Variants in RAPGEF2 observed in about 807,000 individuals in gnomAD.
RAPGEF2 encodes the protein PDZ domain containing guanine nucleotide exchange factor (GEF) 1.
In RAPGEF2, 54 loss-of-function variants were observed where a neutral mutation model predicts 186.7. The observed-to-expected ratio is 0.29, with a 90% CI of 0.23 to 0.36. RAPGEF2 has a LOEUF of 0.36. RAPGEF2 is among the 10% of genes least tolerant of loss of function. The probability of loss-of-function intolerance (pLI) is 1.00; values close to 1 mark genes in which losing one functional copy is unlikely to be tolerated. For missense variants in RAPGEF2, 1,532 were observed against 2,045.0 expected, an observed-to-expected ratio of 0.75 and a Z score of 4.84; for synonymous variants, 712 against 705.9, an observed-to-expected ratio of 1.01 and a Z score of -0.14.
chr4:159,187,320 T>C (rs1361303171), intron 2 of RAPGEF2, among the ~76,000 whole-genome samples: 1 of 151,944 alleles, frequency 6.6e-6, no homozygotes, highest in Non-Finnish European at 1.5e-5. Flanking sequence ...TTTTTCTCTG[T>C]CTCTCCCCAT....
In RAPGEF2 at chr4:159,219,347, C is replaced by CTTT. The variant is rs70962664; in HGVS notation, c.281+8788_281+8790dup. On this transcript the variant is annotated intron_variant, in intron 4 of 29. Transcript: ENST00000691494. The stretch of plus-strand genomic sequence containing the variant: ...CAAGGGATAGTGTCCCAACTGTATC[C>CTTT]TTTTTTTTTTTTTTTTTTTTTTTTT... Among the ~76,000 whole-genome samples, 370 of 81,416 alleles carry CTTT rather than the reference C, an allele frequency of 4.5e-3. 44 individuals carry two copies. The highest frequency in any genetic ancestry group is 0.019 in the African/African-American group (339 of 17,782). 53.4% of individuals were successfully genotyped at this position (81,416 alleles called of 152,430 possible). A position where few individuals can be genotyped will look rare whatever the true frequency, so the allele number is the denominator to read the frequency against.
At chr4:159,247,806 C>T (rs1306738615) in intron 7 of RAPGEF2, among the ~76,000 whole-genome samples, 1 of 126,124 alleles carries the variant, frequency 7.9e-6, no homozygotes, top group African/African-American at 3.1e-5. Flanking sequence ...TCTTGTTGCA[C>T]AGGCTGGAGT....
chr4:159,233,439 A>G lies in RAPGEF2; in HGVS notation c.282-5370A>G, dbSNP rs187172499. ...TTCTCTCATTGAACAGATATGGCAT[A>G]CTTGTCAAAAATCAACTGGTCAATC... On this transcript the variant is annotated intron_variant, in intron 4 of 29. Transcript: ENST00000691494. Among the ~76,000 whole-genome samples, 11 of 152,336 alleles carry G rather than the reference A, an allele frequency of 7.2e-5. No homozygotes were observed. In the East Asian group the frequency reaches 2.1e-3, roughly 29 times the overall value.
Position 159,104,142 on chromosome 4 carries a change from C to A in RAPGEF2, c.-21C>A. The A allele has an allele frequency of 6.6e-7, 1 of 1,507,702 alleles. No homozygotes were observed. The highest frequency in any genetic ancestry group is 8.9e-7 in the Non-Finnish European group (1 of 1,129,108). The allele number at this position is 1,507,702 out of a possible 1,614,324, so 93.4% of individuals were successfully genotyped here. ...GGCCGGCCAGGGTGCGGAGCGGCCC[C>A]GGCCCGCTCCCAGAGGGGAGATGGC... On this transcript the variant is annotated 5_prime_UTR_variant, in exon 1 of 30. Coordinates refer to ENST00000691494, the MANE Select transcript of RAPGEF2 (RefSeq NM_001394067.2).
intron 7 of RAPGEF2, among the ~76,000 whole-genome samples, chr4:159,255,286 T>TTCTTCTCAAAACTCCCC (rs1475658896): frequency 6.6e-6 from 1 of 152,174 alleles, no homozygotes; most frequent in Non-Finnish European, 1.5e-5. Context: ...TAAAACTTCT[T>TTCTTCTCAAAACTCCCC]TCTTCTCAAA....
chr4:159,202,404 T>C (rs895354032), intron 3 of RAPGEF2, among the ~76,000 whole-genome samples: 1 of 152,182 alleles, frequency 6.6e-6, no homozygotes, highest in African/African-American at 2.4e-5. Flanking sequence ...CCATTCTTTC[T>C]GTTTCTGTTT....
At chr4:159,329,592 AATT>A (rs1173738200) in intron 11 of RAPGEF2, 1 of 209,796 alleles carries the variant, frequency 4.8e-6, no homozygotes, top group Admixed American at 5.9e-5. Flanking sequence ...GCTATCTTCT[AATT>A]ATGTCTTTTG....
At chr4:159,167,265 G>T (rs2111236973) in intron 1 of RAPGEF2, among the ~76,000 whole-genome samples, 1 of 152,290 alleles carries the variant, frequency 6.6e-6, no homozygotes, top group African/African-American at 2.4e-5. Flanking sequence ...CCAGTTTTTT[G>T]GGGGAAATTT....
chr4:159,263,600 A>G (rs1757115576), intron 7 of RAPGEF2, among the ~76,000 whole-genome samples: 1 of 152,214 alleles, frequency 6.6e-6, no homozygotes, highest in South Asian at 2.1e-4. Flanking sequence ...GCATTCTTCT[A>G]TACTACTAAC....
In RAPGEF2 at chr4:159,339,162, G is replaced by T. The variant is rs1268693009; in HGVS notation, c.2342G>T (p.Arg781Leu). 1.2e-6 allele frequency: 2 copies of T among 1,614,058 alleles called. No homozygotes were observed. Among genetic ancestry groups the T allele is most frequent in the Non-Finnish European group, 1.7e-6 (2 of 1,179,986 alleles). The part of the protein sequence containing the change: ...LRVFKADQQS[R>L]YIMISKDTTA... ...GTTTTTAAGGCTGATCAGCAAAGCC[G>T]CTACATCATGATCAGTAAGGACACT... The change falls in exon 19 of 30, where the codon CGC (arginine) becomes CTC (leucine). Residue 781 changes from arginine (R) to leucine (L), a missense_variant. By Grantham distance (102) the Arg-to-Leu change is moderately radical. This residue lies in a region of RAPGEF2 where 810 missense variants were observed against 1,210.5 expected (regional missense o/e 0.67). Coordinates refer to ENST00000691494, the MANE Select transcript of RAPGEF2 (RefSeq NM_001394067.2).
chr4:159,104,489 C>CGAGAGAGAGAGAGAGAGA (rs553251268), intron 1 of RAPGEF2, among the ~76,000 whole-genome samples: 61 of 88,790 alleles, frequency 6.9e-4, no homozygotes, highest in South Asian at 2.3e-3. Flanking sequence ...GTTGCCCAGC[C>CGAGAGAGAGAGAGAGAGA]GAGAGAGAGA....
In RAPGEF2 at chr4:159,185,363, G is replaced by A. The variant is rs1026626281; in HGVS notation, c.70-1279G>A. ...AAATGGTGTTCAAACAAGAACTTAC[G>A]CATGAGTTTGTAGCAGCATTATTCA... is the stretch of plus-strand genomic sequence containing the variant. On this transcript the variant is annotated intron_variant, in intron 1 of 29. Coordinates refer to ENST00000691494, the MANE Select transcript of RAPGEF2 (RefSeq NM_001394067.2). Among the ~76,000 whole-genome samples, 8 of 152,234 alleles carry A rather than the reference G, an allele frequency of 5.3e-5. No individual in the cohort carries two copies. The East Asian group carries it at 9.6e-4, about 18-fold the overall frequency.
At chr4:159,267,967 C>A (rs1453398910) in intron 7 of RAPGEF2, 1 of 1,377,218 alleles carries the variant, frequency 7.3e-7, no homozygotes, top group Non-Finnish European at 9.4e-7. Context: ...GTTCGGATTC[C>A]TTTTCTGGTC....
At chr4:159,125,339 T>C (rs1740168938) in intron 1 of RAPGEF2, among the ~76,000 whole-genome samples, 1 of 152,236 alleles carries the variant, frequency 6.6e-6, no homozygotes, top group South Asian at 2.1e-4. Flanking sequence ...TACTCTTTAT[T>C]GTTTACATTT....
intron 4 of RAPGEF2, chr4:159,229,304 A>G (rs1752369016): frequency 6.6e-6 from 1 of 152,204 alleles, no homozygotes; most frequent in South Asian, 2.1e-4. Context: ...TCTGACGTAC[A>G]AGAAGAATGT....
At chr4:159,221,425 T>A (rs1044829427) in intron 4 of RAPGEF2, among the ~76,000 whole-genome samples, 1 of 152,198 alleles carries the variant, frequency 6.6e-6, no homozygotes, top group African/African-American at 2.4e-5. Context: ...GACAGATTGC[T>A]TGAAGTGTCA....
intron 7 of RAPGEF2, among the ~76,000 whole-genome samples, chr4:159,287,118 AT>A (rs986957566): frequency 6.0e-5 from 9 of 150,330 alleles, no homozygotes; most frequent in East Asian, 1.9e-4. Context: ...TCTTGAGAGG[AT>A]TTTTTTTTTC....
chr4:159,262,554 T>C (rs147899386), intron 7 of RAPGEF2, among the ~76,000 whole-genome samples: 212 of 152,324 alleles, frequency 1.4e-3, no homozygotes, highest in African/African-American at 4.8e-3. Context: ...TGAAGTAAGC[T>C]TTGTTAAATC....
chr4:159,213,171 T>A (rs142395229), intron 4 of RAPGEF2, among the ~76,000 whole-genome samples: 6 of 152,324 alleles, frequency 3.9e-5, no homozygotes, highest in Non-Finnish European at 7.4e-5. Context: ...TCCAAGTTGC[T>A]TGTTTCCTTT....
Sources: allele counts gnomAD v4.1 joint callset (sites outside exome capture counted in the v4.1 genomes callset), GRCh38; gene constraint gnomAD v4.1.1; regional missense constraint gnomAD v4.1.1; transcripts MANE v1.5; gene names NCBI Gene and HGNC (gene_info 2026-07-23, HGNC 2026-07-21).